The following TMEM200A variants were observed in gnomAD, a reference collection of about 807,000 sequenced individuals.
TMEM200A encodes two transmembrane C.
In TMEM200A, 12 loss-of-function variants were observed where a neutral mutation model predicts 24.3. The observed-to-expected ratio is 0.49, with a 90% confidence interval of 0.32 to 0.80. The LOEUF is 0.80. Among genes scored for constraint, TMEM200A ranks in the 30% least tolerant of loss-of-function variants. The pLI is 0.04. For missense variants in TMEM200A, 545 were observed against 614.4 expected (o/e 0.89, Z 1.19); for synonymous variants, 224 against 224.4 (o/e 1.00, Z 0.02).
upstream of TMEM200A, chr6:130,365,763 T>C (rs558999057): frequency 1.0e-6 from 1 of 985,460 alleles, no homozygotes; most frequent in African/African-American, 1.7e-5. Context: ...GCGGGTGATT[T>C]GGGCTCTCGA....
At chr6:130,415,943 A>C (rs1188621433) in intron 2 of TMEM200A, among the ~76,000 whole-genome samples, 3 of 152,186 alleles carry the variant, frequency 2.0e-5, no homozygotes, top group Non-Finnish European at 2.9e-5. Context: ...TATATACCAA[A>C]TATTTTCTAA....
Position 130,440,831 on chromosome 6 carries a change from A to G in TMEM200A, c.409A>G (p.Ile137Val). The G allele has an allele frequency of 6.2e-7, 1 of 1,613,832 alleles. No individual in the cohort carries two copies. The highest frequency in any genetic ancestry group is 1.7e-4 in the Middle Eastern group (1 of 6,058). Reference protein sequence around the residue: ...MLGPFTMGIGIFIFICANAIL... With the variant: ...MLGPFTMGIGVFIFICANAIL... ...TGGCCCATTCACCATGGGGATTGGCATTTTCATTTTCATTTGTGCTAATGC... is the reference window on the plus strand; with the variant it reads ...TGGCCCATTCACCATGGGGATTGGCGTTTTCATTTTCATTTGTGCTAATGC... The change falls in exon 3 of 3, where the codon ATT (isoleucine) becomes GTT (valine). Residue 137 changes from isoleucine to valine, a missense_variant. Coordinates refer to ENST00000296978, the MANE Select transcript of TMEM200A (RefSeq NM_001258277.2).
intron 2 of TMEM200A, among the ~76,000 whole-genome samples, chr6:130,415,073 T>G (rs1779417692): frequency 6.6e-6 from 1 of 152,122 alleles, no homozygotes; most frequent in Non-Finnish European, 1.5e-5. Flanking sequence ...TTGTAGATAA[T>G]CTACCCCCTA....
intron 2 of TMEM200A, among the ~76,000 whole-genome samples, chr6:130,406,174 T>C (rs1029624307): frequency 6.6e-6 from 1 of 152,206 alleles, no homozygotes; most frequent in Non-Finnish European, 1.5e-5. Context: ...ATAGCCGAGT[T>C]TTTTTCTGTC....
intron 2 of TMEM200A, chr6:130,439,492 T>A (rs1780101144): frequency 6.6e-6 from 1 of 152,262 alleles, no homozygotes; most frequent in Non-Finnish European, 1.5e-5. Context: ...AGTTCAGCTT[T>A]ACTAGCAGTA....
chr6:130,376,946 T>C (rs577701159), intron 1 of TMEM200A, among the ~76,000 whole-genome samples: 1 of 152,324 alleles, frequency 6.6e-6, no homozygotes, highest in South Asian at 2.1e-4. Flanking sequence ...TAATTGAATA[T>C]AAGACAATAA....
intron 2 of TMEM200A, among the ~76,000 whole-genome samples, chr6:130,413,333 TC>T (rs1456030656): frequency 1.3e-5 from 2 of 152,188 alleles, no homozygotes; most frequent in African/African-American, 2.4e-5. Flanking sequence ...CAAGTAGGCA[TC>T]CCCGGGCTTC....
At chr6:130,407,137 T>G (rs1417464294) in intron 2 of TMEM200A, among the ~76,000 whole-genome samples, 2 of 152,238 alleles carry the variant, frequency 1.3e-5, no homozygotes, top group East Asian at 3.9e-4. Context: ...GGAAGTCTTG[T>G]GGTGCTGTAT....
intron 2 of TMEM200A, among the ~76,000 whole-genome samples, chr6:130,406,944 A>G (rs1393827967): frequency 1.3e-5 from 2 of 152,132 alleles, no homozygotes; most frequent in African/African-American, 4.8e-5. Context: ...AAAGCTCATG[A>G]CAGGCTATTT....
chr6:130,405,968 A>G (rs1779202457), intron 2 of TMEM200A, among the ~76,000 whole-genome samples: 1 of 152,202 alleles, frequency 6.6e-6, no homozygotes, highest in Admixed American at 6.5e-5. Flanking sequence ...TCTACTTCAG[A>G]CTAATGCAAG....
chr6:130,418,327 A>G (rs2115175791), intron 2 of TMEM200A, among the ~76,000 whole-genome samples: 1 of 152,340 alleles, frequency 6.6e-6, no homozygotes, highest in African/African-American at 2.4e-5. Flanking sequence ...TATTATTTCC[A>G]TCACAAATAA....
chr6:130,367,627 CT>C (rs1405552634), intron 1 of TMEM200A, among the ~76,000 whole-genome samples: 6 of 152,144 alleles, frequency 3.9e-5, no homozygotes, highest in Admixed American at 6.5e-5. Context: ...TTAAACCTTA[CT>C]TTATTTTCCC....
chr6:130,369,872 AC>A (rs1778276800), intron 1 of TMEM200A, among the ~76,000 whole-genome samples: 2 of 152,198 alleles, frequency 1.3e-5, no homozygotes, highest in African/African-American at 4.8e-5. Flanking sequence ...CATGAAGTGC[AC>A]CAAGGGGGGA....
chr6:130,402,073 T>TAA (rs11396507), intron 2 of TMEM200A, among the ~76,000 whole-genome samples: 43 of 144,514 alleles, frequency 3.0e-4, no homozygotes, highest in African/African-American at 4.5e-4. Context: ...CTGCCTTTCT[T>TAA]AAAAAAAAAA....
In TMEM200A at chr6:130,436,166, G is replaced by A. The variant is rs930247959; in HGVS notation, c.-16-4241G>A. ...GAGGCTCTGGGGTAACCTCCTAGCT[G>A]TGTGACTCTAGGCAAGTTACCTAAG... On this transcript the variant is annotated intron_variant, in intron 2 of 2. Coordinates refer to ENST00000296978, the MANE Select transcript of TMEM200A (RefSeq NM_001258277.2). Among the ~76,000 whole-genome samples, 3 of 152,166 alleles carry A rather than the reference G, an allele frequency of 2.0e-5. No homozygotes were observed. In the South Asian group the frequency reaches 6.2e-4, roughly 32 times the overall value.
At chr6:130,394,605 C>T (rs1778907794) in intron 2 of TMEM200A, among the ~76,000 whole-genome samples, 1 of 152,180 alleles carries the variant, frequency 6.6e-6, no homozygotes, top group African/African-American at 2.4e-5. Context: ...ATCCTCTTCT[C>T]TTCATGTCTG....
intron 1 of TMEM200A, among the ~76,000 whole-genome samples, chr6:130,368,127 G>A (rs1247777432): frequency 6.6e-6 from 1 of 152,170 alleles, no homozygotes; most frequent in Admixed American, 6.5e-5. Flanking sequence ...GGAATTTTTA[G>A]TGAAGCTTTT....
At chr6:130,438,609 C>G (rs757850809) in intron 2 of TMEM200A, 1 of 152,124 alleles carries the variant, frequency 6.6e-6, no homozygotes, top group East Asian at 1.9e-4. Flanking sequence ...AAAGTTAGTA[C>G]AGTAATATGG....
Position 130,441,148 on chromosome 6 carries a change from T to A in TMEM200A, c.726T>A (p.Leu242=). The A allele has an allele frequency of 6.2e-7, 1 of 1,614,072 alleles. No individual in the cohort carries two copies. Among genetic ancestry groups the A allele is most frequent in the Non-Finnish European group, 8.5e-7 (1 of 1,179,976 alleles). Residue 242 remains leucine (L), a synonymous_variant, in exon 3 of 3, where the codon CTT becomes CTA. Coordinates refer to ENST00000296978, the MANE Select transcript of TMEM200A (RefSeq NM_001258277.2). ...ATGAAGGTAAGAGTTCTGGGCATCT[T>A]ATGCCCCCTTTGCTCTCTGACAGCT... The part of the protein sequence containing the change: ...MLNEGKSSGH[L]MPPLLSDSSV...
Sources: gnomAD v4.1 joint callset for allele counts (sites outside exome capture counted in the v4.1 genomes callset) on GRCh38, gnomAD v4.1.1 for gene constraint, MANE v1.5 for transcripts, NCBI Gene and HGNC (gene_info 2026-07-23, HGNC 2026-07-21) for gene names.